Variants in KIRREL3 observed in about 807,000 individuals in gnomAD.
KIRREL3 encodes the protein kirre like nephrin family adhesion molecule 3.
KIRREL3 carries 36 observed loss-of-function variants against 89.7 expected under a neutral mutation model. The ratio of observed to expected loss-of-function variants is 0.40; its 90% CI spans 0.31 to 0.53. The LOEUF (loss-of-function observed/expected upper bound fraction) is 0.53. Among genes scored for constraint, KIRREL3 ranks in the 20% least tolerant of loss-of-function variants. The pLI, the probability that KIRREL3 is intolerant of heterozygous loss-of-function variation, is 0.49. For missense variants in KIRREL3, 864 were observed against 1,056.6 expected (o/e 0.82, Z 2.53); for synonymous variants, 445 against 441.4 (o/e 1.01, Z -0.10).
Position 126,537,043 on chromosome 11 carries a change from C to T in KIRREL3, c.134-10356G>A, listed in dbSNP as rs1372517652. 1.3e-5 allele frequency among the ~76,000 whole-genome samples: 2 copies of T among 152,194 alleles called. No homozygotes were observed. Among genetic ancestry groups the T allele is most frequent in the Non-Finnish European group, 2.9e-5 (2 of 68,038 alleles). ...TCAATCCCTGCCTCCCCTTTCTCCACTGGTTATTTGGCCTGGCCTTTGTTC... is the reference window on the plus strand; with the variant it reads ...TCAATCCCTGCCTCCCCTTTCTCCATTGGTTATTTGGCCTGGCCTTTGTTC... On this transcript the variant is annotated intron_variant, in intron 2 of 16. Transcript: ENST00000525144. The surrounding 1 kb of genome is among the most constrained non-coding windows in gnomAD (Gnocchi z 4.3).
In KIRREL3 at chr11:126,797,366, G is replaced by C. The variant is rs1211307741; in HGVS notation, c.55+203089C>G. 1.3e-5 allele frequency among the ~76,000 whole-genome samples: 2 copies of C among 152,212 alleles called. No individual in the cohort carries two copies. The highest frequency in any genetic ancestry group is 2.9e-5 in the Non-Finnish European group (2 of 68,036). ...TTCTCAGCGTAATATCTGGCACAGA[G>C]AAGCACTGGATGCTGATAGTTTTGG... On this transcript the variant is annotated intron_variant, in intron 1 of 16. Coordinates refer to ENST00000525144, the MANE Select transcript of KIRREL3 (RefSeq NM_032531.4). The surrounding 1 kb of genome is among the most constrained non-coding windows in gnomAD (Gnocchi z 4.9).
At position 126,796,664 on chromosome 11, in the gene KIRREL3, T is replaced by C. The variant is rs1303955696; in HGVS notation, c.55+203791A>G. Reference sequence around the variant, plus strand: ...CTGCTTTTTATTTATTTTTATTCTTTTATTTTTATTTTTATTTTATTTTAT... The same window carrying C: ...CTGCTTTTTATTTATTTTTATTCTTCTATTTTTATTTTTATTTTATTTTAT... On this transcript the variant is annotated intron_variant, in intron 1 of 16. Transcript: ENST00000525144. This position sits in a 1 kb window ranked among gnomAD's most constrained non-coding sequence, Gnocchi z 5.1. Among the ~76,000 whole-genome samples the C allele has an allele frequency of 6.6e-6, 1 of 152,062 alleles. No individual in the cohort carries two copies. Among genetic ancestry groups the C allele is most frequent in the Middle Eastern group, 3.2e-3 (1 of 316 alleles).
chr11:126,457,090 CCAGAGACACA>C (rs1211980321), intron 6 of KIRREL3, among the ~76,000 whole-genome samples: 4 of 151,736 alleles, frequency 2.6e-5, no homozygotes, highest in South Asian at 2.1e-4. Flanking sequence ...GAGACAAGAA[CCAGAGACACA>C]CAGAGACACA....
chr11:126,466,142 G>A (rs12799093), intron 5 of KIRREL3, among the ~76,000 whole-genome samples: 22,760 of 152,218 alleles, frequency 0.15, 1,896 homozygotes, highest in Non-Finnish European at 0.18. Flanking sequence ...TGCACCCAGC[G>A]TGCTCCTCCG....
At chr11:126,738,160 G>A (rs1334704404) in intron 1 of KIRREL3, among the ~76,000 whole-genome samples, 4 of 152,254 alleles carry the variant, frequency 2.6e-5, no homozygotes, top group East Asian at 1.9e-4. Context: ...TGCCAAGCAT[G>A]TGCCACCAAC....
rs1261974094 is a variant in KIRREL3, at chr11:126,924,723, C to A, written c.55+75732G>T. 6.6e-6 allele frequency among the ~76,000 whole-genome samples: 1 copy of A among 152,204 alleles called. No individual in the cohort carries two copies. The highest frequency in any genetic ancestry group is 1.5e-5 in the Non-Finnish European group (1 of 68,038). On this transcript the variant is annotated intron_variant, in intron 1 of 16. Transcript: ENST00000525144. This position sits in a 1 kb window ranked among gnomAD's most constrained non-coding sequence, Gnocchi z 4.7. ...AAATATGGCTGCTCCTGAGCTCACCCTGGCTTCTGCCATTGCTTGGCCAAG... is the reference window on the plus strand; with the variant it reads ...AAATATGGCTGCTCCTGAGCTCACCATGGCTTCTGCCATTGCTTGGCCAAG...
At chr11:126,619,871 A>G (rs1318254384) in intron 1 of KIRREL3, among the ~76,000 whole-genome samples, 1 of 152,224 alleles carries the variant, frequency 6.6e-6, no homozygotes, top group Non-Finnish European at 1.5e-5. Context: ...CCCCCAATCA[A>G]GGAACTGACC....
At chr11:126,945,467 A>G (rs527486623) in intron 1 of KIRREL3, among the ~76,000 whole-genome samples, 1 of 152,172 alleles carries the variant, frequency 6.6e-6, no homozygotes, top group African/African-American at 2.4e-5. Flanking sequence ...CACTGGAAGA[A>G]TGTGGCCTGG....
At chr11:126,591,249 G>A (rs906003149) in intron 1 of KIRREL3, among the ~76,000 whole-genome samples, 3 of 152,246 alleles carry the variant, frequency 2.0e-5, no homozygotes, top group Admixed American at 2.0e-4. Flanking sequence ...CCCCAAAAGT[G>A]ATCTGATTCA....
Position 126,734,076 on chromosome 11 carries a change from A to G in KIRREL3, c.56-171164T>C, listed in dbSNP as rs1372373038. On this transcript the variant is annotated intron_variant, in intron 1 of 16. Transcript: ENST00000525144. This position sits in a 1 kb window ranked among gnomAD's most constrained non-coding sequence, Gnocchi z 5.9. ...GAGGATCACCTGGGAGCCCCACTCCAGAACTACTGAGGCAGAAGCTGCATT... is the reference window on the plus strand; with the variant it reads ...GAGGATCACCTGGGAGCCCCACTCCGGAACTACTGAGGCAGAAGCTGCATT... Among the ~76,000 whole-genome samples the G allele has an allele frequency of 1.3e-5, 2 of 152,298 alleles. No homozygotes were observed. The highest frequency in any genetic ancestry group is 2.1e-4 in the South Asian group (1 of 4,820).
intron 1 of KIRREL3, among the ~76,000 whole-genome samples, chr11:126,698,514 GA>G (rs1947187533): frequency 6.6e-6 from 1 of 152,266 alleles, no homozygotes; most frequent in African/African-American, 2.4e-5. Flanking sequence ...GCTGCAGGGA[GA>G]AAGGGGCTGG....
In KIRREL3 at chr11:126,522,224, G is replaced by GGAGAGA. The variant is rs766356547; in HGVS notation, c.284-766_284-761dup. The stretch of plus-strand genomic sequence containing the variant: ...GACATGCATTTTGATAAGATAGAGA[G>GGAGAGA]GAGAGAGAGAGAGACAGACAGACAG... On this transcript the variant is annotated intron_variant, in intron 3 of 16. Transcript: ENST00000525144. The surrounding 1 kb of genome is among the most constrained non-coding windows in gnomAD (Gnocchi z 6.0). Among the ~76,000 whole-genome samples, 1 of 151,886 alleles carries GGAGAGA rather than the reference G, an allele frequency of 6.6e-6. No individual in the cohort carries two copies. Among genetic ancestry groups the GGAGAGA allele is most frequent in the Non-Finnish European group, 1.5e-5 (1 of 67,960 alleles).
At chr11:126,757,888 G>A (rs1165926977) in intron 1 of KIRREL3, among the ~76,000 whole-genome samples, 2 of 152,184 alleles carry the variant, frequency 1.3e-5, no homozygotes, top group East Asian at 1.9e-4. Flanking sequence ...TGTGATACTA[G>A]CCCCAAAGGG....
rs1356104733 is a variant in KIRREL3 at position 126,427,588 on chromosome 11, ATG to A, written c.1806+1589_1806+1590del. Reference sequence around the variant, plus strand: ...AAGGCCAGGAATCAAGCTCTTTGGCATGTCTGGAAGGCCAGATGTACTTGGCC... The same window carrying A: ...AAGGCCAGGAATCAAGCTCTTTGGCATCTGGAAGGCCAGATGTACTTGGCC... On this transcript the variant is annotated intron_variant, in intron 15 of 16. Coordinates refer to ENST00000525144, the MANE Select transcript of KIRREL3 (RefSeq NM_032531.4). The surrounding 1 kb of genome is among the most constrained non-coding windows in gnomAD (Gnocchi z 5.3). Among the ~76,000 whole-genome samples the A allele has an allele frequency of 6.6e-6, 1 of 152,182 alleles. No homozygotes were observed. Among genetic ancestry groups the A allele is most frequent in the Non-Finnish European group, 1.5e-5 (1 of 68,032 alleles).
At chr11:126,630,260 G>A (rs1943963178) in intron 1 of KIRREL3, among the ~76,000 whole-genome samples, 1 of 152,198 alleles carries the variant, frequency 6.6e-6, no homozygotes, top group Non-Finnish European at 1.5e-5. Flanking sequence ...GTGGGATGAG[G>A]TGGGAGTGGG....
chr11:126,836,383 C>G (rs1430572837), intron 1 of KIRREL3, among the ~76,000 whole-genome samples: 2 of 152,174 alleles, frequency 1.3e-5, no homozygotes, highest in African/African-American at 2.4e-5. Context: ...TCCAATGAAG[C>G]CTTGATAAAC....
Position 126,624,866 on chromosome 11 carries a change from C to A in KIRREL3, c.56-61954G>T, listed in dbSNP as rs191911687. ...ACCCAGGGCTTGGGGAGATAGCCTG[C>A]ACTTTCTCCAGACCTACCATCAGTA... On this transcript the variant is annotated intron_variant, in intron 1 of 16. Transcript: ENST00000525144. The surrounding 1 kb of genome is among the most constrained non-coding windows in gnomAD (Gnocchi z 6.0). Among the ~76,000 whole-genome samples the A allele has an allele frequency of 6.6e-6, 1 of 152,270 alleles. No individual in the cohort carries two copies. The highest frequency in any genetic ancestry group is 1.9e-4 in the East Asian group (1 of 5,178).
rs138403031 is a variant in KIRREL3, at chr11:126,759,221, C to T, written c.56-196309G>A. Among the ~76,000 whole-genome samples, 756 of 152,254 alleles carry T rather than the reference C, an allele frequency of 5.0e-3. 7 individuals carry two copies. Among genetic ancestry groups the T allele is most frequent in the African/African-American group, 0.017 (720 of 41,566 alleles). ...CTCGGCTTGCTGCAACCTCCACCTCCTAGGTTCAAATGATTCTCCTGCCTC... is the reference window on the plus strand; with the variant it reads ...CTCGGCTTGCTGCAACCTCCACCTCTTAGGTTCAAATGATTCTCCTGCCTC... On this transcript the variant is annotated intron_variant, in intron 1 of 16. Coordinates refer to ENST00000525144, the MANE Select transcript of KIRREL3 (RefSeq NM_032531.4).
chr11:126,775,111 G>T (rs538027924), intron 1 of KIRREL3, among the ~76,000 whole-genome samples: 1 of 152,020 alleles, frequency 6.6e-6, no homozygotes, highest in African/African-American at 2.4e-5. Context: ...AACAAATACC[G>T]AACTCCCCAG....
Sources: allele counts gnomAD v4.1 joint callset (sites outside exome capture counted in the v4.1 genomes callset), GRCh38; gene constraint gnomAD v4.1.1; non-coding constraint Gnocchi (gnomAD v3.1); transcripts MANE v1.5; gene names NCBI Gene and HGNC (gene_info 2026-07-23, HGNC 2026-07-21).